The following CABYR variants were observed in gnomAD, a reference collection of about 807,000 sequenced individuals.
CABYR encodes the protein calcium-binding tyrosine phosphorylation-regulated protein.
CABYR carries 31 observed loss-of-function variants against 36.1 expected under a neutral mutation model. The ratio of observed to expected loss-of-function variants is 0.86; its 90% CI spans 0.64 to 1.16. CABYR has a LOEUF of 1.16. Among genes scored for constraint, CABYR ranks in the 50% most tolerant of loss-of-function variants. The probability of loss-of-function intolerance (pLI) is 0.00; values close to 1 mark genes in which losing one functional copy is unlikely to be tolerated. For synonymous variants in CABYR, 146 were observed against 160.7 expected (o/e 0.91, Z 0.69); for missense variants, 429 against 455.8 (o/e 0.94, Z 0.53).
rs753499035 is a variant in CABYR at position 24,156,759 on chromosome 18, G to T, written c.541+717G>T. On this transcript the variant is annotated intron_variant, in intron 4 of 5. Transcript: ENST00000399496. ...AGGCTCTGAAAAATCTCTGCACCTTGAAGTGGAGATCACTTCAATAGTCTC... is the reference window on the plus strand; with the variant it reads ...AGGCTCTGAAAAATCTCTGCACCTTTAAGTGGAGATCACTTCAATAGTCTC... 4.3e-6 allele frequency: 7 copies of T among 1,614,076 alleles called. No homozygotes were observed. The South Asian group carries it at 5.5e-5, about 13-fold the overall frequency.
intron 4 of CABYR, chr18:24,156,950 A>T: frequency 6.2e-7 from 1 of 1,611,094 alleles, no homozygotes; most frequent in Non-Finnish European, 8.5e-7. Flanking sequence ...CTGCACCAGA[A>T]ATTGAACCAG....
intron 3 of CABYR, among the ~76,000 whole-genome samples, chr18:24,150,122 G>A (rs955694383): frequency 6.6e-5 from 10 of 152,260 alleles, no homozygotes; most frequent in Non-Finnish European, 1.3e-4. Flanking sequence ...TCAATGGGGT[G>A]AGGGAGACAG....
chr18:24,150,291 T>C (rs1319011368), intron 3 of CABYR, among the ~76,000 whole-genome samples: 1 of 152,176 alleles, frequency 6.6e-6, no homozygotes, highest in East Asian at 1.9e-4. Context: ...TTACCTAGGA[T>C]AGGCTGAATG....
At chr18:24,156,784 C>G (rs757630307) in intron 4 of CABYR, 6 of 1,614,140 alleles carry the variant, frequency 3.7e-6, no homozygotes, top group Non-Finnish European at 3.4e-6. Context: ...TCAATAGTCT[C>G]TGACAATACT....
chr18:24,155,302 G>A (rs1172645244), intron 3 of CABYR, among the ~76,000 whole-genome samples: 1 of 152,152 alleles, frequency 6.6e-6, no homozygotes, highest in Non-Finnish European at 1.5e-5. Flanking sequence ...GATGATATCT[G>A]ATTATTAGTC....
chr18:24,153,597 C>CCTTTTCTCCCT (rs2085694126), intron 3 of CABYR, among the ~76,000 whole-genome samples: 1 of 152,038 alleles, frequency 6.6e-6, no homozygotes, highest in Non-Finnish European at 1.5e-5. Flanking sequence ...TTCTTATGTC[C>CCTTTTCTCCCT]CTTTTCTCCC....
intron 5 of CABYR, among the ~76,000 whole-genome samples, 153 bp from the exon 6 acceptor site, chr18:24,161,363 T>C (rs537468883): frequency 6.6e-6 from 1 of 152,336 alleles, no homozygotes; most frequent in Admixed American, 6.5e-5. Flanking sequence ...ATGAAATTGC[T>C]GGGATATTTC....
chr18:24,157,591 G>C lies in CABYR; in HGVS notation c.541+1549G>C, dbSNP rs148760794. Among the ~76,000 whole-genome samples, 499 of 152,222 alleles carry C rather than the reference G, an allele frequency of 3.3e-3. 2 individuals are homozygous for C. The highest frequency in any genetic ancestry group is 5.3e-3 in the Non-Finnish European group (360 of 68,006). ...GGAGAGGGGAAAGGTCAGGGGAGCC[G>C]GGAGGTATCAGCAGCAGAAAGGACG... On this transcript the variant is annotated intron_variant, in intron 4 of 5. Coordinates refer to ENST00000399496, the MANE Select transcript of CABYR (RefSeq NM_153769.3).
chr18:24,145,433 A>G (rs759294290), intron 3 of CABYR, among the ~76,000 whole-genome samples: 4 of 152,176 alleles, frequency 2.6e-5, no homozygotes, highest in Non-Finnish European at 4.4e-5. Flanking sequence ...ACACTTTCAA[A>G]TTCTTGTGCA....
chr18:24,139,796 G>A (rs1035081087), intron 1 of CABYR: 11 of 152,322 alleles, frequency 7.2e-5, no homozygotes, highest in African/African-American at 2.6e-4. Flanking sequence ...TCCCAAAGTC[G>A]GGGTGAGAAC....
intron 5 of CABYR, among the ~76,000 whole-genome samples, chr18:24,161,237 C>T (rs2085972745): frequency 6.6e-6 from 1 of 152,150 alleles, no homozygotes; most frequent in African/African-American, 2.4e-5. Flanking sequence ...TAAGCAGGCT[C>T]AAGGACCAGT....
At chr18:24,141,244 T>C (rs1276765271) in intron 1 of CABYR, among the ~76,000 whole-genome samples, 2 of 152,230 alleles carry the variant, frequency 1.3e-5, no homozygotes, top group Admixed American at 6.5e-5. Context: ...GAGATGTGTT[T>C]TTAAGTATTG....
intron 4 of CABYR, chr18:24,156,798 C>T (rs1353697220): frequency 6.2e-7 from 1 of 1,614,092 alleles, no homozygotes; most frequent in East Asian, 2.2e-5. Flanking sequence ...CAATACTGGG[C>T]AGGAGGAGTC....
chr18:24,155,950 C>T lies in CABYR; in HGVS notation c.449C>T (p.Thr150Ile), dbSNP rs773938013. The stretch of plus-strand genomic sequence containing the variant: ...TCCAAACCAGCCACCCCTAAGACTA[C>T]TACCCCACCCTCATCACCACCTCCA... ...LSSKPATPKT[T>I]TPPSSPPPTA... The change falls in exon 4 of 6, where the codon ACT becomes ATT. Residue 150 changes from threonine to isoleucine, a missense_variant. By Grantham distance (89) the Thr-to-Ile change is moderately conservative. Coordinates refer to ENST00000399496, the MANE Select transcript of CABYR (RefSeq NM_153769.3). 6.2e-7 allele frequency: 1 copy of T among 1,614,190 alleles called. No individual in the cohort carries two copies. Among genetic ancestry groups the T allele is most frequent in the African/African-American group, 1.3e-5 (1 of 75,036 alleles).
chr18:24,155,405 TA>T (rs2085753097), intron 3 of CABYR, among the ~76,000 whole-genome samples: 1 of 152,230 alleles, frequency 6.6e-6, no homozygotes, highest in African/African-American at 2.4e-5. Context: ...TTACCCACAC[TA>T]CAGATGTTGG....
At position 24,159,753 on chromosome 18, in the gene CABYR, C is replaced by T. The variant is rs201908857; in HGVS notation, c.823C>T (p.Pro275Ser). 69 of 1,613,784 alleles carry T rather than the reference C, an allele frequency of 4.3e-5. No homozygotes were observed. The highest frequency in any genetic ancestry group is 5.5e-5 in the Non-Finnish European group (65 of 1,180,016). Residue 275 changes from proline (P) to serine (S), a missense_variant, in exon 5 of 6, where the codon CCT becomes TCT. Physicochemically the swap from Pro to Ser is moderately conservative, Grantham distance 74. Coordinates refer to ENST00000399496, the MANE Select transcript of CABYR (RefSeq NM_153769.3). ...TGTTCAGGAAGCACAGGGATGGAAA[C>T]CTCTTCCTGGACATGCTGTCGTTTC... ...SNVQEAQGWK[P>S]LPGHAVVSQS...
chr18:24,149,951 G>C (rs550609553), intron 3 of CABYR, among the ~76,000 whole-genome samples: 28 of 152,272 alleles, frequency 1.8e-4, no homozygotes, highest in Non-Finnish European at 3.1e-4. Context: ...ACACCTGCCT[G>C]CAAGCTGAGG....
intron 3 of CABYR, among the ~76,000 whole-genome samples, chr18:24,153,962 G>C (rs1419494860): frequency 1.3e-5 from 2 of 151,758 alleles, no homozygotes; most frequent in African/African-American, 4.8e-5. Flanking sequence ...AATTAGCCGG[G>C]CATGGTGGCA....
chr18:24,161,539 T>A lies in CABYR; in HGVS notation c.*23T>A, dbSNP rs772876098. 1 of 780,448 alleles carries A rather than the reference T, an allele frequency of 1.3e-6. No individual in the cohort carries two copies. Among genetic ancestry groups the A allele is most frequent in the African/African-American group, 1.7e-5 (1 of 59,150 alleles). 48.3% of individuals were successfully genotyped at this position (780,448 alleles called of 1,614,324 possible). ...AGATCCAGAAATGACGCTGTCTGGG[T>A]CAACATTTCAGGGAGGAGTCTGCCA... On this transcript the variant is annotated 3_prime_UTR_variant, in exon 6 of 6. Coordinates refer to ENST00000399496, the MANE Select transcript of CABYR (RefSeq NM_153769.3).
Sources: allele counts gnomAD v4.1 joint callset (sites outside exome capture counted in the v4.1 genomes callset), GRCh38; gene constraint gnomAD v4.1.1; transcripts MANE v1.5; gene names NCBI Gene and HGNC (gene_info 2026-07-23, HGNC 2026-07-21).